Variants in THRA observed in about 807,000 individuals in gnomAD.
The protein encoded by THRA is thyroid hormone receptor alpha.
Under a neutral mutation model 45.0 loss-of-function variants are expected in THRA, and 13 were observed. That is an observed-to-expected ratio of 0.29 (90% CI 0.19 to 0.46). The LOEUF (loss-of-function observed/expected upper bound fraction) is 0.46. Among genes scored for constraint, THRA ranks in the 20% least tolerant of loss-of-function variants. THRA has a pLI of 1.00. For synonymous variants in THRA, 195 were observed against 214.0 expected (o/e 0.91, Z 0.78); for missense variants, 278 against 556.1 (o/e 0.50, Z 5.03).
downstream of THRA, chr17:40,093,570 G>A (rs1302272302): frequency 2.1e-6 from 2 of 946,796 alleles, no homozygotes; most frequent in Non-Finnish European, 3.1e-6. The surrounding 1 kb of genome is among the most constrained non-coding windows in gnomAD (Gnocchi z 5.9). Context: ...GCTTTTTGCT[G>A]TGTAGTTCCC....
intron 4 of THRA, among the ~76,000 whole-genome samples, chr17:40,081,328 G>T (rs755394201): frequency 1.9e-4 from 29 of 151,702 alleles, no homozygotes; most frequent in Non-Finnish European, 3.7e-4. Context: ...ATAGCTCACT[G>T]CAGCCTTGAC....
intron 7 of THRA, among the ~76,000 whole-genome samples, chr17:40,087,574 C>T (rs917062470): frequency 6.6e-5 from 10 of 152,204 alleles, no homozygotes; most frequent in African/African-American, 2.4e-4. Context: ...GCCCCTCATC[C>T]TTCAAGTCTA....
chr17:40,087,462 G>GACAC (rs1030874673), intron 7 of THRA, among the ~76,000 whole-genome samples: 1 of 150,006 alleles, frequency 6.7e-6, no homozygotes, highest in Non-Finnish European at 1.5e-5. Flanking sequence ...GATACATACA[G>GACAC]ACACACACAC....
At position 40,092,806 on chromosome 17, in the gene THRA, A is replaced by G. The variant is rs1987631973; in HGVS notation, c.*3350A>G. ...ACAGAAGCCAGCTCAGCTGTGAACT[A>G]TTGGATTTGAGACAGGAACAGAACA... On this transcript the variant is annotated 3_prime_UTR_variant, in exon 9 of 9. Coordinates refer to ENST00000450525, the MANE Select transcript of THRA (RefSeq NM_199334.5). The G allele has an allele frequency of 4.5e-6, 3 of 662,162 alleles. No individual in the cohort carries two copies. Among genetic ancestry groups the G allele is most frequent in the East Asian group, 3.2e-5 (1 of 31,556 alleles). The allele number at this position is 662,162 out of a possible 1,614,324, so 41.0% of individuals were successfully genotyped here.
At chr17:40,087,961 A>G (rs913894679) in intron 7 of THRA, among the ~76,000 whole-genome samples, 1 of 152,084 alleles carries the variant, frequency 6.6e-6, no homozygotes, top group Admixed American at 6.6e-5. Context: ...TTCACCATGT[A>G]TGTTGGCCAG....
At position 40,092,906 on chromosome 17, in the gene THRA, GGGGA is replaced by G; in HGVS notation, c.*3457_*3460del. ...GGGGAGGAGGGGAAGTTCGGTGATG[GGGGA>G]GGGAGGCAGGTATTTACAAGAAGGC... On this transcript the variant is annotated 3_prime_UTR_variant, in exon 9 of 9. Coordinates refer to ENST00000450525, the MANE Select transcript of THRA (RefSeq NM_199334.5). 1 of 1,438,284 alleles carries G rather than the reference GGGGA, an allele frequency of 7.0e-7. No individual in the cohort carries two copies. The highest frequency in any genetic ancestry group is 9.3e-7 in the Non-Finnish European group (1 of 1,078,204). The allele number at this position is 1,438,284 out of a possible 1,614,324, so 89.1% of individuals were successfully genotyped here.
intron 5 of THRA, 67 bp downstream of exon 5, chr17:40,084,049 G>C (rs1987238068): frequency 2.0e-6 from 3 of 1,513,040 alleles, no homozygotes; most frequent in Non-Finnish European, 2.7e-6. Context: ...TGGGAGGGCA[G>C]CTTCCTTCCA....
intron 7 of THRA, among the ~76,000 whole-genome samples, chr17:40,087,795 G>C (rs1987385156): frequency 6.6e-6 from 1 of 152,062 alleles, no homozygotes; most frequent in Non-Finnish European, 1.5e-5. Context: ...TTTTCGTTCT[G>C]TCACCCAGGC....
chr17:40,086,679 C>T (rs1318974609), intron 6 of THRA, 28 bp from the exon 7 acceptor site: 7 of 1,605,882 alleles, frequency 4.4e-6, no homozygotes, highest in Non-Finnish European at 6.0e-6. Flanking sequence ...GGTCTGCGGC[C>T]CCAGCTGACC....
intron 2 of THRA, 38 bp downstream of exon 2, chr17:40,074,579 G>C: frequency 6.2e-7 from 1 of 1,612,780 alleles, no homozygotes; most frequent in Non-Finnish European, 8.5e-7. Flanking sequence ...CAACTCCTAA[G>C]CAGCAGGCAT....
Position 40,090,083 on chromosome 17 carries a change from TAA to T in THRA, c.*628_*629del. On this transcript the variant is annotated 3_prime_UTR_variant, in exon 9 of 9. Coordinates refer to ENST00000450525, the MANE Select transcript of THRA (RefSeq NM_199334.5). ...AGCGAGCGATAGAGAGAGATGATAT[TAA>T]GTTATTAACTGAGGCTGACCAGAGG... The T allele has an allele frequency of 2.1e-6, 2 of 968,810 alleles. No homozygotes were observed. The highest frequency in any genetic ancestry group is 2.5e-6 in the Non-Finnish European group (2 of 814,582). 60.0% of individuals were successfully genotyped at this position (968,810 alleles called of 1,614,324 possible). A position where few individuals can be genotyped will look rare whatever the true frequency, so the allele number is the denominator to read the frequency against.
At position 40,089,175 on chromosome 17, in the gene THRA, C is replaced by G. The variant is rs774124774; in HGVS notation, c.983-31C>G. On this transcript the variant is annotated intron_variant, in intron 8 of 8. Transcript: ENST00000450525. The surrounding 1 kb of genome is among the most constrained non-coding windows in gnomAD (Gnocchi z 6.1). ...CCCATCTCCAGGCCTTCGGCCAGCC[C>G]CTCGCCCCTCACGCCCCTCTTCCCT... The G allele has an allele frequency of 6.2e-6, 10 of 1,608,102 alleles. No individual in the cohort carries two copies. The highest frequency in any genetic ancestry group is 6.8e-6 in the Non-Finnish European group (8 of 1,176,426).
intron 4 of THRA, among the ~76,000 whole-genome samples, chr17:40,082,758 CTTTT>C (rs920725279): frequency 3.0e-5 from 2 of 67,522 alleles, no homozygotes; most frequent in Non-Finnish European, 5.7e-5. Context: ...GAATCGCATG[CTTTT>C]TTTTTTTTTT....
chr17:40,087,114 A>G (rs1056580687), intron 7 of THRA: 2 of 473,048 alleles, frequency 4.2e-6, no homozygotes, highest in East Asian at 4.0e-5. Context: ...ACACACACAC[A>G]TACACCCAGC....
intron 1 of THRA, among the ~76,000 whole-genome samples, chr17:40,071,247 C>T (rs1433581261): frequency 1.3e-5 from 2 of 152,206 alleles, no homozygotes; most frequent in Admixed American, 6.5e-5. Context: ...AGAGCAGATA[C>T]GCAGGAGGGT....
chr17:40,086,599 G>C (rs933019056), intron 6 of THRA, 108 bp from the exon 7 acceptor site: 1 of 1,403,022 alleles, frequency 7.1e-7, no homozygotes, highest in Non-Finnish European at 9.6e-7. Context: ...AGGCACGGGC[G>C]GCCCCTCTTC....
chr17:40,079,072 G>A (rs1004176604), intron 4 of THRA, among the ~76,000 whole-genome samples: 1 of 152,036 alleles, frequency 6.6e-6, no homozygotes, highest in African/African-American at 2.4e-5. Flanking sequence ...GAGCCCTTTT[G>A]TGGAGCCCAG....
intron 5 of THRA, among the ~76,000 whole-genome samples, chr17:40,084,231 G>A (rs999073191): frequency 6.6e-6 from 1 of 152,152 alleles, no homozygotes; most frequent in Non-Finnish European, 1.5e-5. Flanking sequence ...GAGTCGTTTG[G>A]TAGAAAGAGC....
At chr17:40,072,386 C>T (rs957667176) in intron 1 of THRA, among the ~76,000 whole-genome samples, 2 of 152,212 alleles carry the variant, frequency 1.3e-5, no homozygotes, top group Non-Finnish European at 2.9e-5. Flanking sequence ...ATGCCCACTC[C>T]TGTGCTTGCC....
Sources: allele counts gnomAD v4.1 joint callset (sites outside exome capture counted in the v4.1 genomes callset), GRCh38; gene constraint gnomAD v4.1.1; non-coding constraint Gnocchi (gnomAD v3.1); transcripts MANE v1.5; gene names NCBI Gene and HGNC (gene_info 2026-07-23, HGNC 2026-07-21).